MAP2K6: variants seen among roughly 807,000 people sequenced by gnomAD.
MAP2K6 encodes mitogen-activated protein kinase kinase 6.
Under a neutral mutation model 53.7 loss-of-function variants are expected in MAP2K6, and 16 were observed. That is an observed-to-expected ratio of 0.30 (90% confidence interval 0.20 to 0.45). The LOEUF is 0.45. Among genes scored for constraint, MAP2K6 ranks in the 20% least tolerant of loss-of-function variants. The probability of loss-of-function intolerance (pLI) is 1.00; values close to 1 mark genes in which losing one functional copy is unlikely to be tolerated. For missense variants in MAP2K6, 204 were observed against 411.9 expected (o/e 0.50, Z 4.37); for synonymous variants, 132 against 143.1 (o/e 0.92, Z 0.55).
intron 5 of MAP2K6, 118 bp from the exon 6 acceptor site, chr17:69,520,152 C>T: frequency 1.6e-6 from 1 of 618,906 alleles, no homozygotes; most frequent in South Asian, 2.1e-5. Context: ...GTATTTCCCC[C>T]CAAAATTCAA....
At chr17:69,536,009 C>T (rs1189980792) in intron 10 of MAP2K6, 106 bp from the exon 11 acceptor site, 3 of 730,292 alleles carry the variant, frequency 4.1e-6, no homozygotes, top group Non-Finnish European at 7.2e-6. Flanking sequence ...GTTTTCAATA[C>T]ACTTTTAAAG....
chr17:69,487,529 A>G (rs986047024), intron 1 of MAP2K6, among the ~76,000 whole-genome samples: 2 of 152,228 alleles, frequency 1.3e-5, no homozygotes, highest in Non-Finnish European at 2.9e-5. Context: ...CATTTATCCC[A>G]GACATATTTA....
At chr17:69,518,144 C>T (rs908359885) in intron 4 of MAP2K6, among the ~76,000 whole-genome samples, 23 of 152,022 alleles carry the variant, frequency 1.5e-4, no homozygotes, top group African/African-American at 3.4e-4. Flanking sequence ...GAGCCGAGAT[C>T]GTGCCACTGC....
At chr17:69,498,970 G>A (rs756520375) in intron 1 of MAP2K6, among the ~76,000 whole-genome samples, 30 of 152,106 alleles carry the variant, frequency 2.0e-4, no homozygotes, top group Non-Finnish European at 2.5e-4. Flanking sequence ...CCAATCTGGT[G>A]GAGTGTGGTA....
In MAP2K6 at chr17:69,541,939, T is replaced by G. The variant is rs1911658773; in HGVS notation, c.*186T>G. 6.2e-6 allele frequency: 3 copies of G among 483,534 alleles called. No homozygotes were observed. The highest frequency in any genetic ancestry group is 3.4e-5 in the Admixed American group (1 of 28,998). 30.0% of individuals were successfully genotyped at this position (483,534 alleles called of 1,614,324 possible). On this transcript the variant is annotated 3_prime_UTR_variant, in exon 12 of 12. Transcript: ENST00000590474. The stretch of plus-strand genomic sequence containing the variant: ...GGGCCTTGGAATCTATAGTATAGAA[T>G]GAACTGTCTAGATGGATGAATTATG...
intron 1 of MAP2K6, among the ~76,000 whole-genome samples, chr17:69,467,070 C>G (rs1907838304): frequency 6.6e-6 from 1 of 152,046 alleles, no homozygotes; most frequent in Non-Finnish European, 1.5e-5. Context: ...GGTAATGACT[C>G]ATGAACTGGT....
intron 1 of MAP2K6, among the ~76,000 whole-genome samples, chr17:69,429,729 G>A (rs1316131284): frequency 6.6e-6 from 1 of 152,170 alleles, no homozygotes; most frequent in Admixed American, 6.5e-5. Context: ...GGCATGTTGT[G>A]TGAGGTGGTT....
rs768376278 is a variant in MAP2K6 at position 69,519,441 on chromosome 17, C to A, written c.366+9C>A. 1.2e-6 allele frequency: 2 copies of A among 1,613,986 alleles called. No homozygotes were observed. The highest frequency in any genetic ancestry group is 8.5e-7 in the Non-Finnish European group (1 of 1,179,920). On this transcript the variant is annotated intron_variant, in intron 5 of 11. Coordinates refer to ENST00000590474, the MANE Select transcript of MAP2K6 (RefSeq NM_002758.4). ...GCGCACTGTTTCGGGAGGTAGGTGA[C>A]CCTTCAATTCAAAGTCCAAGAGGAA...
Position 69,502,230 on chromosome 17 carries a change from A to G in MAP2K6, c.17-3550A>G, listed in dbSNP as rs928212164. 1.4e-5 allele frequency: 14 copies of G among 985,434 alleles called. No homozygotes were observed. In the South Asian group the frequency reaches 4.7e-4, roughly 33 times the overall value. The allele number at this position is 985,434 out of a possible 1,614,324, so 61.0% of individuals were successfully genotyped here. A position where few individuals can be genotyped will look rare whatever the true frequency, so the allele number is the denominator to read the frequency against. On this transcript the variant is annotated intron_variant, in intron 1 of 11. Coordinates refer to ENST00000590474, the MANE Select transcript of MAP2K6 (RefSeq NM_002758.4). ...AATGAGCTTGCAGAGGTTTGCTGCA[A>G]TCCGAACTTGAGGAGGGGGTGGAGT...
At chr17:69,460,974 G>A (rs973863274) in intron 1 of MAP2K6, among the ~76,000 whole-genome samples, 14 of 152,204 alleles carry the variant, frequency 9.2e-5, no homozygotes, top group Non-Finnish European at 1.8e-4. Context: ...GCCGCACGGG[G>A]AAAGAATAGG....
intron 1 of MAP2K6, among the ~76,000 whole-genome samples, chr17:69,437,392 G>C (rs1278986331): frequency 6.6e-6 from 1 of 152,082 alleles, no homozygotes; most frequent in Non-Finnish European, 1.5e-5. Context: ...CTAAGGAGGA[G>C]GAGGAAGAAG....
chr17:69,417,827 C>T (rs987221586), intron 1 of MAP2K6, among the ~76,000 whole-genome samples: 14 of 152,128 alleles, frequency 9.2e-5, no homozygotes, highest in Non-Finnish European at 7.3e-5. Context: ...TCTGGCATCC[C>T]CCAGTTCACC....
intron 4 of MAP2K6, among the ~76,000 whole-genome samples, chr17:69,518,185 A>G (rs1002113571): frequency 6.9e-6 from 1 of 144,828 alleles, no homozygotes; most frequent in African/African-American, 2.6e-5. Flanking sequence ...GTGAGACTCC[A>G]TCTCAAATAA....
intron 1 of MAP2K6, among the ~76,000 whole-genome samples, chr17:69,501,055 G>A (rs1007386106): frequency 1.1e-4 from 16 of 152,294 alleles, no homozygotes; most frequent in African/African-American, 2.9e-4. Flanking sequence ...CCCTTGGAAC[G>A]TAAGCCTAGA....
chr17:69,506,953 CT>C (rs34836540), intron 2 of MAP2K6, among the ~76,000 whole-genome samples: 22,096 of 148,780 alleles, frequency 0.15, 1,768 homozygotes, highest in Middle Eastern at 0.21. Flanking sequence ...TTCTTTTTCT[CT>C]TTTTTTTTTC....
chr17:69,485,651 T>G (rs1908507723), intron 1 of MAP2K6, among the ~76,000 whole-genome samples: 1 of 152,148 alleles, frequency 6.6e-6, no homozygotes, highest in South Asian at 2.1e-4. Context: ...ACATCAGATT[T>G]TTCTGTTTGT....
At position 69,440,278 on chromosome 17, in the gene MAP2K6, C is replaced by T. The variant is rs147863216; in HGVS notation, c.16+25278C>T. 2.5e-3 allele frequency among the ~76,000 whole-genome samples: 373 copies of T among 152,158 alleles called. 4 individuals carry two copies. The highest frequency in any genetic ancestry group is 8.7e-3 in the African/African-American group (361 of 41,514). Reference sequence around the variant, plus strand: ...AGCCAGGCTGGTCTGGAACTCCTGACCTTAGGTGATCTGCCTGCCTTGGCC... The same window carrying T: ...AGCCAGGCTGGTCTGGAACTCCTGATCTTAGGTGATCTGCCTGCCTTGGCC... On this transcript the variant is annotated intron_variant, in intron 1 of 11. Transcript: ENST00000590474.
intron 11 of MAP2K6, among the ~76,000 whole-genome samples, chr17:69,538,384 A>G (rs530554612): frequency 6.6e-6 from 1 of 152,358 alleles, no homozygotes; most frequent in Admixed American, 6.5e-5. Context: ...ATATATATCA[A>G]TGTTATAAAA....
chr17:69,427,901 T>C (rs781345938), intron 1 of MAP2K6, among the ~76,000 whole-genome samples: 1 of 152,236 alleles, frequency 6.6e-6, no homozygotes, highest in Non-Finnish European at 1.5e-5. Context: ...TTTTGATATA[T>C]TCAGTCTGGA....
Sources: gnomAD v4.1 joint callset for allele counts (sites outside exome capture counted in the v4.1 genomes callset) on GRCh38, gnomAD v4.1.1 for gene constraint, MANE v1.5 for transcripts, NCBI Gene and HGNC (gene_info 2026-07-23, HGNC 2026-07-21) for gene names.